Variants in HIBADH observed in about 807,000 individuals in gnomAD.
HIBADH encodes 3-hydroxyisobutyrate dehydrogenase, mitochondrial.
HIBADH carries 25 observed loss-of-function variants against 36.1 expected under a neutral mutation model. The ratio of observed to expected loss-of-function variants is 0.69; its 90% CI spans 0.50 to 0.97. HIBADH has a LOEUF of 0.97. Among genes scored for constraint, HIBADH ranks in the 50% least tolerant of loss-of-function variants. HIBADH has a pLI of 0.00. For synonymous variants in HIBADH, 160 were observed against 149.5 expected, an observed-to-expected ratio of 1.07 and a Z score of -0.51; for missense variants, 421 against 418.0, an observed-to-expected ratio of 1.01 and a Z score of -0.06.
rs538027126 is a variant in HIBADH, at chr7:27,653,124, G to A, written c.92-3491C>T. 1.4e-4 allele frequency among the ~76,000 whole-genome samples: 21 copies of A among 151,876 alleles called. 1 individual carries two copies. The East Asian group carries it at 3.9e-3, about 28-fold the overall frequency. On this transcript the variant is annotated intron_variant, in intron 1 of 7. Coordinates refer to ENST00000265395, the MANE Select transcript of HIBADH (RefSeq NM_152740.4). ...AGCCTGGGTGACAGAGCGAGACTCCGTCTCAAAAAAGAAAAAAAAAGGAAT... is the reference window on the plus strand; with the variant it reads ...AGCCTGGGTGACAGAGCGAGACTCCATCTCAAAAAAGAAAAAAAAAGGAAT...
chr7:27,532,739 T>C (rs745745553), intron 6 of HIBADH, among the ~76,000 whole-genome samples: 1 of 152,182 alleles, frequency 6.6e-6, no homozygotes, highest in Non-Finnish European at 1.5e-5. Context: ...TGTTCAACTG[T>C]AGATTCCCAG....
chr7:27,533,501 C>T (rs1249196581), intron 6 of HIBADH, among the ~76,000 whole-genome samples: 1 of 152,070 alleles, frequency 6.6e-6, no homozygotes, highest in African/African-American at 2.4e-5. Flanking sequence ...CAAAGTGTAT[C>T]ATTAAAAAGA....
chr7:27,610,929 T>C (rs1785310814), intron 4 of HIBADH, among the ~76,000 whole-genome samples: 1 of 152,202 alleles, frequency 6.6e-6, no homozygotes, highest in African/African-American at 2.4e-5. Context: ...GGGCCAAGCC[T>C]GCATGGTTGA....
Position 27,645,821 on chromosome 7 carries a change from G to A in HIBADH, c.252+3652C>T, listed in dbSNP as rs182608458. Among the ~76,000 whole-genome samples, 33 of 152,162 alleles carry A rather than the reference G, an allele frequency of 2.2e-4. No homozygotes were observed. The South Asian group carries it at 3.7e-3, about 17-fold the overall frequency. On this transcript the variant is annotated intron_variant, in intron 2 of 7. Transcript: ENST00000265395. ...ATTGAGTTACTTGTCTTATGCTGGC[G>A]TTGTAAGACTTCTTCATATATTCTA...
chr7:27,632,211 A>G (rs770981429), intron 3 of HIBADH, 125 bp downstream of exon 3: 5 of 641,604 alleles, frequency 7.8e-6, no homozygotes, highest in Non-Finnish European at 1.3e-5. Context: ...CACACTATTC[A>G]CTTTATGAAA....
chr7:27,658,384 G>A (rs757355422), intron 1 of HIBADH, among the ~76,000 whole-genome samples: 20 of 152,098 alleles, frequency 1.3e-4, no homozygotes, highest in South Asian at 2.1e-4. Context: ...TACTGAGGAC[G>A]AATGAAAAGA....
intron 6 of HIBADH, among the ~76,000 whole-genome samples, chr7:27,535,146 C>T (rs551783171): frequency 1.3e-5 from 2 of 151,558 alleles, no homozygotes; most frequent in South Asian, 4.2e-4. Flanking sequence ...TGTTTCATTT[C>T]CAGATCTGTT....
At chr7:27,596,081 A>G (rs894966038) in intron 4 of HIBADH, among the ~76,000 whole-genome samples, 2 of 152,192 alleles carry the variant, frequency 1.3e-5, no homozygotes, top group African/African-American at 2.4e-5. Flanking sequence ...GGTAATTTAT[A>G]AAGAACAGAA....
At chr7:27,637,088 T>C (rs1386143405) in intron 2 of HIBADH, among the ~76,000 whole-genome samples, 1 of 152,192 alleles carries the variant, frequency 6.6e-6, no homozygotes, top group Non-Finnish European at 1.5e-5. Context: ...AAATATGGCA[T>C]AGATACAGTA....
chr7:27,578,050 G>T (rs1017726597), intron 4 of HIBADH, among the ~76,000 whole-genome samples: 1 of 152,106 alleles, frequency 6.6e-6, no homozygotes, highest in Non-Finnish European at 1.5e-5. Flanking sequence ...AGCATCCATT[G>T]TTCATTAGAA....
chr7:27,621,111 C>T lies in HIBADH; in HGVS notation c.484+8260G>A, dbSNP rs576421438. On this transcript the variant is annotated intron_variant, in intron 4 of 7. Transcript: ENST00000265395. ...CATCAAACAGACTTTAAATAAAGAA[C>T]AATAAAAAGACAATCATTAATTGTA... Among the ~76,000 whole-genome samples the T allele has an allele frequency of 5.4e-5, 3 of 55,168 alleles. No individual in the cohort carries two copies. The South Asian group carries it at 1.8e-3, about 34-fold the overall frequency. 36.2% of individuals were successfully genotyped at this position (55,168 alleles called of 152,430 possible). A position where few individuals can be genotyped will look rare whatever the true frequency, so the allele number is the denominator to read the frequency against.
At chr7:27,630,595 T>C (rs1205417130) in intron 3 of HIBADH, among the ~76,000 whole-genome samples, 1 of 151,906 alleles carries the variant, frequency 6.6e-6, no homozygotes, top group Non-Finnish European at 1.5e-5. Flanking sequence ...ATTAAAAAAA[T>C]AGCACACAAA....
At chr7:27,574,179 A>C (rs1784669329) in intron 4 of HIBADH, among the ~76,000 whole-genome samples, 1 of 142,154 alleles carries the variant, frequency 7.0e-6, no homozygotes, top group South Asian at 2.3e-4. Flanking sequence ...TGTGATGGAA[A>C]TACAGAGTTA....
At chr7:27,600,942 T>C (rs75022540) in intron 4 of HIBADH, among the ~76,000 whole-genome samples, 326 of 152,276 alleles carry the variant, frequency 2.1e-3, no homozygotes, top group African/African-American at 7.6e-3. Context: ...TCTTAGAATA[T>C]GTAAAATCTA....
At chr7:27,601,137 C>A (rs374133645) in intron 4 of HIBADH, among the ~76,000 whole-genome samples, 3 of 151,940 alleles carry the variant, frequency 2.0e-5, no homozygotes, top group African/African-American at 4.8e-5. Flanking sequence ...TGAGTATGGG[C>A]CGGTTGATTG....
Position 27,645,545 on chromosome 7 carries a change from A to AT in HIBADH, c.252+3927dup, listed in dbSNP as rs573183255. Among the ~76,000 whole-genome samples the AT allele has an allele frequency of 3.3e-3, 500 of 150,724 alleles. 1 individual carries two copies. Among genetic ancestry groups the AT allele is most frequent in the Admixed American group, 7.0e-3 (106 of 15,152 alleles). On this transcript the variant is annotated intron_variant, in intron 2 of 7. Transcript: ENST00000265395. ...AGGTGCACACCACCACACTTGGCTAATTTTTTTTGCATTTTTAGTAAAGAC... is the reference window on the plus strand; with the variant it reads ...AGGTGCACACCACCACACTTGGCTAATTTTTTTTTGCATTTTTAGTAAAGAC...
chr7:27,634,948 T>C (rs1282106355), intron 2 of HIBADH, among the ~76,000 whole-genome samples: 1 of 152,084 alleles, frequency 6.6e-6, no homozygotes, highest in African/African-American at 2.4e-5. Flanking sequence ...CTCAATTGTA[T>C]AGGAAAGTAG....
chr7:27,648,598 C>A (rs1171510783), intron 2 of HIBADH, among the ~76,000 whole-genome samples: 1 of 152,118 alleles, frequency 6.6e-6, no homozygotes, highest in African/African-American at 2.4e-5. Context: ...CACACACTAT[C>A]CTCAGTTACC....
intron 4 of HIBADH, among the ~76,000 whole-genome samples, chr7:27,586,959 C>T (rs1028033229): frequency 2.0e-5 from 3 of 152,338 alleles, no homozygotes; most frequent in Admixed American, 6.5e-5. Context: ...CCAGTCTGGG[C>T]GGTGCCGTCC....
Sources: allele counts gnomAD v4.1 joint callset (sites outside exome capture counted in the v4.1 genomes callset), GRCh38; gene constraint gnomAD v4.1.1; transcripts MANE v1.5; gene names NCBI Gene and HGNC (gene_info 2026-07-23, HGNC 2026-07-21).